STX1B: variants seen among roughly 807,000 people sequenced by gnomAD.
STX1B encodes the protein syntaxin-1B.
Under a neutral mutation model 39.4 loss-of-function variants are expected in STX1B, and 7 were observed. That is an observed-to-expected ratio of 0.18 (90% CI 0.10 to 0.33). STX1B has a LOEUF of 0.33. Among genes scored for constraint, STX1B ranks in the 10% least tolerant of loss-of-function variants. STX1B has a pLI of 1.00. For missense variants in STX1B, 198 were observed against 383.2 expected, an observed-to-expected ratio of 0.52 and a Z score of 4.04; for synonymous variants, 136 against 144.1, an observed-to-expected ratio of 0.94 and a Z score of 0.40.
At position 31,003,221 on chromosome 16, in the gene STX1B, C is replaced by T. The variant is rs536091850; in HGVS notation, c.31-1618G>A. ...CACAGACGCTGGGCCCACACTGTGT[C>T]GGAAAATGTGTTCAGCACTTGTGTT... On this transcript the variant is annotated intron_variant, in intron 1 of 9. Coordinates refer to ENST00000215095, the MANE Select transcript of STX1B (RefSeq NM_052874.5). 3.3e-5 allele frequency among the ~76,000 whole-genome samples: 5 copies of T among 152,288 alleles called. No individual in the cohort carries two copies. In the East Asian group the frequency reaches 7.7e-4, roughly 23 times the overall value.
intron 1 of STX1B, among the ~76,000 whole-genome samples, chr16:31,006,460 T>C (rs2056655561): frequency 6.6e-6 from 1 of 152,094 alleles, no homozygotes; most frequent in South Asian, 2.1e-4. Context: ...GGCGATGTGG[T>C]GGTGAAGAAG....
Position 30,992,724 on chromosome 16 carries a change from G to A in STX1B, c.*97C>T. 1.3e-6 allele frequency: 1 copy of A among 747,250 alleles called. No homozygotes were observed. Among genetic ancestry groups the A allele is most frequent in the Non-Finnish European group, 2.3e-6 (1 of 442,224 alleles). 46.3% of individuals were successfully genotyped at this position (747,250 alleles called of 1,614,324 possible). A position where few individuals can be genotyped will look rare whatever the true frequency, so the allele number is the denominator to read the frequency against. ...GGGGCTGCCTGGGTCTGTTTTGGGAGTGAGCCTGGAGCAGGGGATGGAGTG... is the reference window on the plus strand; with the variant it reads ...GGGGCTGCCTGGGTCTGTTTTGGGAATGAGCCTGGAGCAGGGGATGGAGTG... On this transcript the variant is annotated 3_prime_UTR_variant, in exon 10 of 10. Coordinates refer to ENST00000215095, the MANE Select transcript of STX1B (RefSeq NM_052874.5).
Position 31,000,980 on chromosome 16 carries a change from A to C in STX1B, c.228T>G (p.Asp76Glu). 6.2e-7 allele frequency: 1 copy of C among 1,613,878 alleles called. No individual in the cohort carries two copies. Among genetic ancestry groups the C allele is most frequent in the East Asian group, 2.2e-5 (1 of 44,862 alleles). Residue 76 changes from aspartate to glutamate, a missense_variant, in exon 4 of 10, where the codon GAT becomes GAG. Physicochemically the swap from Asp to Glu is conservative, Grantham distance 45 (BLOSUM62 2). Transcript: ENST00000215095. ...PDEKTKQELE[D>E]LTADIKKTAN... is the part of the protein sequence containing the mutation. The stretch of plus-strand genomic sequence containing the variant: ...CCGTCTTCTTGATGTCTGCAGTGAG[A>C]TCCTCCAGCTCCTGTTTGGTCTCTG...
At chr16:31,009,091 C>T (rs2056668185) in intron 1 of STX1B, among the ~76,000 whole-genome samples, 1 of 152,158 alleles carries the variant, frequency 6.6e-6, no homozygotes, top group Non-Finnish European at 1.5e-5. Context: ...CTGTCTGTCC[C>T]CAGAGACAGC....
chr16:31,000,250 C>T (rs567757430), intron 4 of STX1B, among the ~76,000 whole-genome samples: 1 of 152,108 alleles, frequency 6.6e-6, no homozygotes, highest in East Asian at 1.9e-4. Context: ...AGGTGATCCA[C>T]CCACCTTGGC....
chr16:31,007,101 A>T (rs2056658631), intron 1 of STX1B, among the ~76,000 whole-genome samples: 1 of 152,134 alleles, frequency 6.6e-6, no homozygotes, highest in South Asian at 2.1e-4. Context: ...ACAGAGGAAG[A>T]CCATGTCTCT....
chr16:30,995,432 C>T (rs542407799), intron 7 of STX1B, among the ~76,000 whole-genome samples: 1 of 152,080 alleles, frequency 6.6e-6, no homozygotes, highest in African/African-American at 2.4e-5. Flanking sequence ...GTGGGCAGGC[C>T]GGGGCAAAAG....
At position 31,001,163 on chromosome 16, in the gene STX1B, G is replaced by A. The variant is rs2056626405; in HGVS notation, c.136C>T (p.Leu46=). Reference sequence around the variant, plus strand: ...TTCACCTGCTCCACATCCTCCGACAGTTTCTCAATGCAGCCCCGGATCTCT... The same window carrying A: ...TTCACCTGCTCCACATCCTCCGACAATTTCTCAATGCAGCCCCGGATCTCT... ...VEEIRGCIEK[L]SEDVEQVKKQ... The change falls in exon 3 of 10, where the codon CTG becomes TTG. Residue 46 remains leucine (L), a synonymous_variant. Transcript: ENST00000215095. This position sits in a 1 kb window ranked among gnomAD's most constrained non-coding sequence, Gnocchi z 5.5. The A allele has an allele frequency of 1.2e-6, 2 of 1,614,022 alleles. No homozygotes were observed. Among genetic ancestry groups the A allele is most frequent in the Non-Finnish European group, 1.7e-6 (2 of 1,180,034 alleles).
chr16:31,009,421 G>C (rs571163573), intron 1 of STX1B, among the ~76,000 whole-genome samples: 13 of 152,082 alleles, frequency 8.5e-5, no homozygotes, highest in African/African-American at 2.2e-4. Flanking sequence ...AGCCGGGGCC[G>C]GTACCCTTAT....
chr16:30,997,625 G>A (rs1346425736), intron 4 of STX1B, 50 bp from the exon 5 acceptor site: 2 of 1,540,756 alleles, frequency 1.3e-6, no homozygotes, highest in South Asian at 2.4e-5. Context: ...GGCACATGGG[G>A]CGAGGGTCCG....
At chr16:30,999,663 A>G (rs1709528320) in intron 4 of STX1B, among the ~76,000 whole-genome samples, 1 of 152,204 alleles carries the variant, frequency 6.6e-6, no homozygotes, top group African/African-American at 2.4e-5. Context: ...TCCTGAGCCA[A>G]GGATACCGAT....
chr16:30,997,648 G>C, intron 4 of STX1B, 73 bp from the exon 5 acceptor site: 1 of 1,390,380 alleles, frequency 7.2e-7, no homozygotes, highest in Non-Finnish European at 9.9e-7. Context: ...GCGTACGAAT[G>C]GTCAACACCC....
chr16:31,000,843 C>A, intron 4 of STX1B, 85 bp downstream of exon 4: 2 of 1,378,508 alleles, frequency 1.5e-6, no homozygotes, highest in Non-Finnish European at 2.1e-6. Flanking sequence ...GAGCAATTGG[C>A]CCCGCCTCGC....
rs2056537946 is a variant in STX1B, at chr16:30,989,627, C to T, written c.*3194G>A. On this transcript the variant is annotated 3_prime_UTR_variant, in exon 10 of 10. Transcript: ENST00000215095. ...ACGCCAGTGACACAGAAACACACGC[C>T]AACGCACACGGCTGCACAGCGGGCA... 6.6e-6 allele frequency: 1 copy of T among 152,386 alleles called. No homozygotes were observed. Among genetic ancestry groups the T allele is most frequent in the African/African-American group, 2.4e-5 (1 of 41,436 alleles). 9.4% of individuals were successfully genotyped at this position (152,386 alleles called of 1,614,324 possible).
rs933662333 is a variant in STX1B at position 31,010,591 on chromosome 16, G to A, written c.-195C>T. 7 of 160,096 alleles carry A rather than the reference G, an allele frequency of 4.4e-5. No homozygotes were observed. Among genetic ancestry groups the A allele is most frequent in the Non-Finnish European group, 6.6e-5 (5 of 75,760 alleles). The allele number at this position is 160,096 out of a possible 1,614,324, so 9.9% of individuals were successfully genotyped here. A position where few individuals can be genotyped will look rare whatever the true frequency, so the allele number is the denominator to read the frequency against. ...AGGGGCAGGGGCCTGGGCCGGGCTCGGCTCTGCCGGGCTGCGGTGGCGATG... is the reference window on the plus strand; with the variant it reads ...AGGGGCAGGGGCCTGGGCCGGGCTCAGCTCTGCCGGGCTGCGGTGGCGATG... On this transcript the variant is annotated 5_prime_UTR_variant, in exon 1 of 10. Coordinates refer to ENST00000215095, the MANE Select transcript of STX1B (RefSeq NM_052874.5).
At position 31,010,417 on chromosome 16, in the gene STX1B, TC is replaced by T; in HGVS notation, c.-22del. 7.0e-7 allele frequency: 1 copy of T among 1,422,912 alleles called. No individual in the cohort carries two copies. Among genetic ancestry groups the T allele is most frequent in the Non-Finnish European group, 9.3e-7 (1 of 1,073,698 alleles). 88.1% of individuals were successfully genotyped at this position (1,422,912 alleles called of 1,614,324 possible). On this transcript the variant is annotated 5_prime_UTR_variant, in exon 1 of 10. Transcript: ENST00000215095. ...TTCATCCTGCGACGGCTCCTCCTCC[TC>T]CTCCTAGTCCTCCTGCCTCTGCTGC...
rs962794193 is a variant in STX1B, at chr16:31,010,539, C to G, written c.-143G>C. On this transcript the variant is annotated 5_prime_UTR_variant, in exon 1 of 10. Transcript: ENST00000215095. The stretch of plus-strand genomic sequence containing the variant: ...GGGGGGCCTGCGGGCGGGGGCGGGG[C>G]CGGGGGCGACTGGCCGAGGGCCGGG... 7.3e-6 allele frequency: 2 copies of G among 275,230 alleles called. No individual in the cohort carries two copies. The allele number at this position is 275,230 out of a possible 1,614,324, so 17.0% of individuals were successfully genotyped here. A position where few individuals can be genotyped will look rare whatever the true frequency, so the allele number is the denominator to read the frequency against.
At chr16:31,004,157 G>GT (rs1318295532) in intron 1 of STX1B, among the ~76,000 whole-genome samples, 1 of 152,220 alleles carries the variant, frequency 6.6e-6, no homozygotes, top group Non-Finnish European at 1.5e-5. Context: ...TATTTTTTGC[G>GT]TAAGTCTTAC....
intron 4 of STX1B, among the ~76,000 whole-genome samples, chr16:30,998,486 G>A (rs2056607415): frequency 6.6e-6 from 1 of 152,236 alleles, no homozygotes; most frequent in South Asian, 2.1e-4. Flanking sequence ...ATTGGGGCCC[G>A]ACTGTCAGCC....
Sources: gnomAD v4.1 joint callset for allele counts (sites outside exome capture counted in the v4.1 genomes callset) on GRCh38, gnomAD v4.1.1 for gene constraint, Gnocchi (gnomAD v3.1) non-coding constraint, MANE v1.5 for transcripts, NCBI Gene and HGNC (gene_info 2026-07-23, HGNC 2026-07-21) for gene names.